The following EPB41L5 variants were observed in gnomAD, a reference collection of about 807,000 sequenced individuals.
EPB41L5 encodes the protein erythrocyte membrane protein band 4.1 like 5.
Under a neutral mutation model 106.6 loss-of-function variants are expected in EPB41L5, and 55 were observed. That is an observed-to-expected ratio of 0.52 (90% confidence interval 0.42 to 0.65). The LOEUF is 0.65. Ranked by LOEUF, EPB41L5 falls within the 30% of genes least tolerant of loss-of-function variation. EPB41L5 has a pLI of 0.00. For synonymous variants in EPB41L5, 297 were observed against 306.7 expected (o/e 0.97, Z 0.33); for missense variants, 871 against 882.1 (o/e 0.99, Z 0.16).
intron 3 of EPB41L5, among the ~76,000 whole-genome samples, chr2:120,063,798 C>T (rs1337176709): frequency 5.3e-5 from 8 of 152,126 alleles, no homozygotes; most frequent in South Asian, 2.1e-4. Context: ...AAAAATTAGC[C>T]GGGCGTGGTG....
chr2:120,138,904 T>C (rs2105485368), intron 18 of EPB41L5, among the ~76,000 whole-genome samples: 1 of 151,948 alleles, frequency 6.6e-6, no homozygotes, highest in African/African-American at 2.4e-5. Context: ...AACGAAACTT[T>C]AGAACTCATA....
chr2:120,018,207 T>A (rs1677674107), intron 1 of EPB41L5, among the ~76,000 whole-genome samples: 1 of 151,996 alleles, frequency 6.6e-6, no homozygotes, highest in Non-Finnish European at 1.5e-5. Flanking sequence ...GACCTCGTGA[T>A]CCACCTGCCT....
chr2:120,068,259 G>A (rs1026490419), intron 3 of EPB41L5, among the ~76,000 whole-genome samples: 13 of 152,228 alleles, frequency 8.5e-5, no homozygotes, highest in African/African-American at 2.9e-4. Context: ...CAGATACTAC[G>A]CTTTTCCCAT....
At chr2:120,151,261 C>T (rs934214949) in intron 20 of EPB41L5, among the ~76,000 whole-genome samples, 1 of 152,004 alleles carries the variant, frequency 6.6e-6, no homozygotes, top group Admixed American at 6.6e-5. Context: ...GATCACGCCA[C>T]TGCACTCCAG....
At chr2:120,162,369 A>G (rs1687171323) in intron 21 of EPB41L5, among the ~76,000 whole-genome samples, 1 of 152,166 alleles carries the variant, frequency 6.6e-6, no homozygotes, top group Non-Finnish European at 1.5e-5. Flanking sequence ...AACACTTACC[A>G]TTTGTCTTTT....
chr2:120,042,037 A>G lies in EPB41L5; in HGVS notation c.212A>G (p.Gln71Arg). 2 of 1,612,214 alleles carry G rather than the reference A, an allele frequency of 1.2e-6. No individual in the cohort carries two copies. The highest frequency in any genetic ancestry group is 1.7e-6 in the Non-Finnish European group (2 of 1,178,940). ...KKAKGQELFD[Q>R]IMYHLDLIES... ...GCCAAAGGACAAGAGTTGTTTGATCAGATTATGTACCACCTGGACCTGATT... is the reference window on the plus strand; with the variant it reads ...GCCAAAGGACAAGAGTTGTTTGATCGGATTATGTACCACCTGGACCTGATT... Residue 71 changes from glutamine (Q) to arginine (R), a missense_variant, in exon 3 of 25, where the codon CAG becomes CGG. Gln to Arg is a conservative substitution (Grantham distance 43). Coordinates refer to ENST00000263713, the MANE Select transcript of EPB41L5 (RefSeq NM_020909.4).
At chr2:120,139,720 A>G (rs1686088107) in intron 18 of EPB41L5, among the ~76,000 whole-genome samples, 1 of 152,064 alleles carries the variant, frequency 6.6e-6, no homozygotes, top group Admixed American at 6.6e-5. Flanking sequence ...ACCCTTGTAC[A>G]CTGTTGGTGG....
rs1223201651 is a variant in EPB41L5 at position 120,177,547 on chromosome 2, C to G, written c.*2640C>G. The G allele has an allele frequency of 6.6e-6, 1 of 152,138 alleles. No individual in the cohort carries two copies. The highest frequency in any genetic ancestry group is 1.5e-5 in the Non-Finnish European group (1 of 68,044). The allele number at this position is 152,138 out of a possible 1,614,324, so 9.4% of individuals were successfully genotyped here. On this transcript the variant is annotated 3_prime_UTR_variant, in exon 25 of 25. Coordinates refer to ENST00000263713, the MANE Select transcript of EPB41L5 (RefSeq NM_020909.4). Reference sequence around the variant, plus strand: ...GACGTGAAGGTTTCAGTTACCTGCTCTAGACTTTGCCTGAGAACTTGTAAA... The same window carrying G: ...GACGTGAAGGTTTCAGTTACCTGCTGTAGACTTTGCCTGAGAACTTGTAAA...
intron 19 of EPB41L5, among the ~76,000 whole-genome samples, chr2:120,144,568 G>C (rs756244644): frequency 6.6e-6 from 1 of 152,146 alleles, no homozygotes; most frequent in Non-Finnish European, 1.5e-5. Flanking sequence ...AGAAATCCAG[G>C]ATCAAATACC....
At position 120,077,031 on chromosome 2, in the gene EPB41L5, T is replaced by A; in HGVS notation, c.566T>A (p.Phe189Tyr). The A allele has an allele frequency of 6.2e-7, 1 of 1,613,202 alleles. No homozygotes were observed. Among genetic ancestry groups the A allele is most frequent in the South Asian group, 1.1e-5 (1 of 90,988 alleles). ...HSPELVSEFR[F>Y]VPIQTEEMEL... ...CCTGAACTTGTCTCAGAGTTCAGATTCGTGCCTATTCAGACTGAAGAGATG... is the reference window on the plus strand; with the variant it reads ...CCTGAACTTGTCTCAGAGTTCAGATACGTGCCTATTCAGACTGAAGAGATG... Residue 189 changes from phenylalanine to tyrosine, a missense_variant, in exon 8 of 25, where the codon TTC becomes TAC. Phe to Tyr is a conservative substitution (Grantham distance 22, BLOSUM62 3). Transcript: ENST00000263713.
intron 2 of EPB41L5, among the ~76,000 whole-genome samples, chr2:120,039,825 CA>C (rs905113636): frequency 4.9e-5 from 6 of 121,840 alleles, no homozygotes; most frequent in Admixed American, 1.8e-4. Context: ...AACTCTGTCT[CA>C]GGAAAAAAAA....
chr2:120,106,466 A>G (rs956251947), intron 16 of EPB41L5: 16 of 985,176 alleles, frequency 1.6e-5, no homozygotes, highest in African/African-American at 5.2e-5. Flanking sequence ...TCACCAACCT[A>G]TTTACACTCT....
intron 24 of EPB41L5, among the ~76,000 whole-genome samples, chr2:120,173,363 G>C (rs900018956): frequency 6.6e-6 from 1 of 152,134 alleles, no homozygotes; most frequent in Non-Finnish European, 1.5e-5. Context: ...CAGAACTTTG[G>C]GGGGTCGTGA....
intron 3 of EPB41L5, among the ~76,000 whole-genome samples, chr2:120,068,314 G>A (rs968694620): frequency 1.3e-5 from 2 of 152,156 alleles, no homozygotes; most frequent in African/African-American, 4.8e-5. Flanking sequence ...GGGTGCCTAC[G>A]CCACAAGGGC....
At chr2:120,082,793 G>A (rs1025448144) in intron 10 of EPB41L5, among the ~76,000 whole-genome samples, 3 of 152,180 alleles carry the variant, frequency 2.0e-5, no homozygotes, top group Non-Finnish European at 2.9e-5. Context: ...GCCTGTTATT[G>A]GTCTATTCAG....
intron 2 of EPB41L5, among the ~76,000 whole-genome samples, chr2:120,039,624 G>A (rs544028715): frequency 3.9e-5 from 6 of 152,022 alleles, no homozygotes; most frequent in South Asian, 2.1e-4. Context: ...TCGGGAGTTC[G>A]AGACCAGCCT....
chr2:120,120,452 A>G (rs1685164803), intron 16 of EPB41L5, among the ~76,000 whole-genome samples: 1 of 143,798 alleles, frequency 7.0e-6, no homozygotes, highest in Non-Finnish European at 1.5e-5. Flanking sequence ...AAAAAAAAGG[A>G]ACAAGAACAA....
chr2:120,131,694 C>T lies in EPB41L5; in HGVS notation c.1578C>T (p.Ile526=), dbSNP rs779760380. Residue 526 remains isoleucine (I), a synonymous_variant, in exon 18 of 25, where the codon ATC becomes ATT. Coordinates refer to ENST00000263713, the MANE Select transcript of EPB41L5 (RefSeq NM_020909.4). The part of the protein sequence containing the change: ...NSPLLSPRSN[I]DVNINSQEEV... ...CTTTGCTGTCCCCTCGATCCAACAT[C>T]GATGTTAACATAAACAGCCAGGTAT... 2.5e-6 allele frequency: 4 copies of T among 1,613,358 alleles called. No homozygotes were observed. The highest frequency in any genetic ancestry group is 1.6e-4 in the Middle Eastern group (1 of 6,084).
intron 19 of EPB41L5, 96 bp from the exon 20 acceptor site, chr2:120,146,129 C>A: frequency 1.3e-6 from 1 of 744,506 alleles, no homozygotes; most frequent in Non-Finnish European, 2.3e-6. Context: ...TTAAAGCAAA[C>A]TGATATTTCT....
Sources: gnomAD v4.1 joint callset for allele counts (sites outside exome capture counted in the v4.1 genomes callset) on GRCh38, gnomAD v4.1.1 for gene constraint, MANE v1.5 for transcripts, NCBI Gene and HGNC (gene_info 2026-07-23, HGNC 2026-07-21) for gene names.